The following MAP2 variants were observed in gnomAD, a reference collection of about 807,000 sequenced individuals.
MAP2 encodes the protein microtubule-associated protein 2.
MAP2 carries 14 observed loss-of-function variants against 137.6 expected under a neutral mutation model. That is an observed-to-expected ratio of 0.10 (90% CI 0.07 to 0.16). The LOEUF (loss-of-function observed/expected upper bound fraction) is 0.16, where lower values mean the gene tolerates loss of function less well. Among genes scored for constraint, MAP2 ranks in the 10% least tolerant of loss-of-function variants. MAP2 has a pLI of 1.00. For missense variants in MAP2, 2,088 were observed against 2,191.5 expected, an observed-to-expected ratio of 0.95 and a Z score of 0.94; for synonymous variants, 786 against 782.3, an observed-to-expected ratio of 1.00 and a Z score of -0.08.
At chr2:209,537,209 A>T (rs1164317496) in intron 2 of MAP2, among the ~76,000 whole-genome samples, 1 of 152,012 alleles carries the variant, frequency 6.6e-6, no homozygotes, top group African/African-American at 2.4e-5. Context: ...GATATTTCAA[A>T]CTTTTAAATT....
chr2:209,435,272 TA>T lies in MAP2; in HGVS notation c.-222+11006del, dbSNP rs35822697. Among the ~76,000 whole-genome samples the T allele has an allele frequency of 2.1e-3, 306 of 148,084 alleles. 1 individual carries two copies. Among genetic ancestry groups the T allele is most frequent in the African/African-American group, 6.8e-3 (274 of 40,362 alleles). Reference sequence around the variant, plus strand: ...ATATAATTTACAACAATATTAATGGTAAAAAAAAAAGTATGTCTTATAAGTG... The same window carrying T: ...ATATAATTTACAACAATATTAATGGTAAAAAAAAAGTATGTCTTATAAGTG... On this transcript the variant is annotated intron_variant, in intron 1 of 15. Coordinates refer to ENST00000682079, the MANE Select transcript of MAP2 (RefSeq NM_001375505.1).
chr2:209,495,539 C>A (rs1048342324), intron 1 of MAP2, among the ~76,000 whole-genome samples: 2 of 152,208 alleles, frequency 1.3e-5, no homozygotes, highest in African/African-American at 4.8e-5. Flanking sequence ...GATACCCAGG[C>A]AAAGAGGGTC....
intron 13 of MAP2, among the ~76,000 whole-genome samples, chr2:209,712,039 T>C (rs1166051698): frequency 1.3e-5 from 2 of 152,080 alleles, no homozygotes; most frequent in Admixed American, 1.3e-4. Flanking sequence ...AAGTATTATT[T>C]TAAGTTGACA....
At chr2:209,640,563 A>C (rs2093942348) in intron 4 of MAP2, among the ~76,000 whole-genome samples, 1 of 151,938 alleles carries the variant, frequency 6.6e-6, no homozygotes, top group Admixed American at 6.6e-5. Context: ...AAAAAAAAAA[A>C]AATACTATGA....
At chr2:209,499,617 T>C (rs2150097727) in intron 1 of MAP2, among the ~76,000 whole-genome samples, 1 of 152,208 alleles carries the variant, frequency 6.6e-6, no homozygotes, top group Middle Eastern at 3.4e-3. Context: ...AAAATAAGTT[T>C]AATAGGCTCA....
chr2:209,561,877 GC>G (rs142330564), intron 2 of MAP2, among the ~76,000 whole-genome samples: 274 of 152,246 alleles, frequency 1.8e-3, no homozygotes, highest in African/African-American at 6.4e-3. Flanking sequence ...CATTGATGAA[GC>G]ACTCAGCATG....
At chr2:209,589,456 A>T (rs1326106225) in intron 3 of MAP2, among the ~76,000 whole-genome samples, 1 of 152,194 alleles carries the variant, frequency 6.6e-6, no homozygotes, top group Non-Finnish European at 1.5e-5. Flanking sequence ...AATCTACAAT[A>T]TTTTAATAAT....
intron 2 of MAP2, among the ~76,000 whole-genome samples, chr2:209,522,461 A>G (rs1205102214): frequency 6.6e-6 from 1 of 152,192 alleles, no homozygotes; most frequent in Admixed American, 6.6e-5. Context: ...GTTGAGGAAA[A>G]TATTGCCCCT....
chr2:209,570,815 G>A (rs1025360649), intron 2 of MAP2, among the ~76,000 whole-genome samples: 1 of 151,872 alleles, frequency 6.6e-6, no homozygotes, highest in Non-Finnish European at 1.5e-5. Flanking sequence ...ATAAACTTAC[G>A]ATTACGATAG....
chr2:209,428,303 A>G (rs899711045), intron 1 of MAP2, among the ~76,000 whole-genome samples: 1 of 152,034 alleles, frequency 6.6e-6, no homozygotes, highest in Non-Finnish European at 1.5e-5. Context: ...GTCTACTGTT[A>G]AGTTTATATT....
intron 1 of MAP2, among the ~76,000 whole-genome samples, chr2:209,460,405 C>CGTAGATATTGGTTTCATAAG (rs1410482154): frequency 6.6e-6 from 1 of 152,146 alleles, no homozygotes; most frequent in Non-Finnish European, 1.5e-5. Flanking sequence ...ATAAGGTAGA[C>CGTAGATATTGGTTTCATAAG]ACTGGCCCTA....
At chr2:209,546,042 C>G (rs1418883779) in intron 2 of MAP2, among the ~76,000 whole-genome samples, 1 of 152,116 alleles carries the variant, frequency 6.6e-6, no homozygotes, top group Non-Finnish European at 1.5e-5. Context: ...ACTTGGGAGG[C>G]TGAGGCAGGA....
chr2:209,571,811 C>A (rs2074438906), intron 2 of MAP2, among the ~76,000 whole-genome samples: 1 of 151,902 alleles, frequency 6.6e-6, no homozygotes, highest in Non-Finnish European at 1.5e-5. Flanking sequence ...GGCTTTTAAG[C>A]AAGTGTTTTT....
At position 209,676,769 on chromosome 2, in the gene MAP2, A is replaced by C. The variant is rs1484651030; in HGVS notation, c.263-1803A>C. On this transcript the variant is annotated intron_variant, in intron 5 of 15. Transcript: ENST00000682079. Reference sequence around the variant, plus strand: ...TATATATATATATATATATATATATATATCTCCCAATTTCTGCCATGATTG... The same window carrying C: ...TATATATATATATATATATATATATCTATCTCCCAATTTCTGCCATGATTG... Among the ~76,000 whole-genome samples the C allele has an allele frequency of 4.2e-3, 392 of 94,150 alleles. 3 individuals carry two copies. The highest frequency in any genetic ancestry group is 4.7e-3 in the African/African-American group (116 of 24,602). The allele number at this position is 94,150 out of a possible 152,430, so 61.8% of individuals were successfully genotyped here.
intron 1 of MAP2, among the ~76,000 whole-genome samples, chr2:209,448,478 TGCC>T (rs986836317): frequency 3.9e-5 from 6 of 152,156 alleles, no homozygotes; most frequent in Admixed American, 3.9e-4. Flanking sequence ...TTCTTGTAGC[TGCC>T]ATAAGAAATT....
At chr2:209,556,854 C>A (rs1360951385) in intron 2 of MAP2, among the ~76,000 whole-genome samples, 1 of 151,754 alleles carries the variant, frequency 6.6e-6, no homozygotes, top group Non-Finnish European at 1.5e-5. Flanking sequence ...TGCTGAGATT[C>A]TTTTTTAATT....
chr2:209,563,503 A>G (rs1157552731), intron 2 of MAP2, among the ~76,000 whole-genome samples: 1 of 152,156 alleles, frequency 6.6e-6, no homozygotes, highest in African/African-American at 2.4e-5. Context: ...AGGCCATATG[A>G]ATCTAGTTCA....
At chr2:209,517,366 G>C (rs2062663634) in intron 2 of MAP2, among the ~76,000 whole-genome samples, 1 of 152,080 alleles carries the variant, frequency 6.6e-6, no homozygotes, top group African/African-American at 2.4e-5. Flanking sequence ...CAAACATCAA[G>C]TACTTCATTA....
At chr2:209,469,421 A>ATT (rs200428395) in intron 1 of MAP2, among the ~76,000 whole-genome samples, 16 of 151,704 alleles carry the variant, frequency 1.1e-4, no homozygotes, top group African/African-American at 2.7e-4. Context: ...TTCTGATGTA[A>ATT]TTTTTTTTTA....
Sources: allele counts gnomAD v4.1 joint callset (sites outside exome capture counted in the v4.1 genomes callset), GRCh38; gene constraint gnomAD v4.1.1; transcripts MANE v1.5; gene names NCBI Gene and HGNC (gene_info 2026-07-23, HGNC 2026-07-21).